Variants in CPE observed in about 807,000 individuals in gnomAD.
CPE encodes carbocypeptidase E.
Under a neutral mutation model 53.5 loss-of-function variants are expected in CPE, and 17 were observed. That is an observed-to-expected ratio of 0.32 (90% CI 0.22 to 0.48). CPE has a LOEUF of 0.48. CPE is among the 20% of genes least tolerant of loss of function. The probability of loss-of-function intolerance (pLI) is 0.99; values close to 1 mark genes in which losing one functional copy is unlikely to be tolerated. For synonymous variants in CPE, 226 were observed against 228.8 expected (o/e 0.99, Z 0.11); for missense variants, 524 against 614.7 (o/e 0.85, Z 1.56).
chr4:165,449,725 A>T (rs553011024), intron 1 of CPE, among the ~76,000 whole-genome samples: 4 of 152,030 alleles, frequency 2.6e-5, no homozygotes, highest in Non-Finnish European at 5.9e-5. Flanking sequence ...TTATTTAATT[A>T]TCTTCCCAGA....
chr4:165,456,991 T>G (rs769816086), intron 1 of CPE, among the ~76,000 whole-genome samples: 15 of 151,968 alleles, frequency 9.9e-5, no homozygotes, highest in Non-Finnish European at 1.6e-4. Flanking sequence ...CACCCGCCAC[T>G]GCCTCCCAAA....
chr4:165,467,128 G>T (rs1405607322), intron 2 of CPE, among the ~76,000 whole-genome samples: 1 of 151,976 alleles, frequency 6.6e-6, no homozygotes, highest in Non-Finnish European at 1.5e-5. Context: ...TTTGAGACCA[G>T]CCTGAGCAAC....
intron 6 of CPE, 77 bp from the exon 7 acceptor site, chr4:165,493,094 G>C: frequency 1.2e-6 from 1 of 864,038 alleles, no homozygotes; most frequent in African/African-American, 1.7e-5. Context: ...AGAGATGCTT[G>C]ATATGAAACA....
chr4:165,454,935 G>A (rs2118495), intron 1 of CPE, among the ~76,000 whole-genome samples: 21,195 of 152,090 alleles, frequency 0.14, 1,887 homozygotes, highest in African/African-American at 0.25. Context: ...CTCACAGCTT[G>A]TCTCTTAGAT....
chr4:165,475,064 G>A (rs10004931), intron 3 of CPE, among the ~76,000 whole-genome samples: 1 of 152,218 alleles, frequency 6.6e-6, no homozygotes, highest in Admixed American at 6.5e-5. Context: ...TCATATGCGA[G>A]TGAAACGGCA....
intron 1 of CPE, among the ~76,000 whole-genome samples, chr4:165,386,036 G>A (rs1227457020): frequency 1.3e-5 from 2 of 152,028 alleles, no homozygotes; most frequent in Non-Finnish European, 2.9e-5. Flanking sequence ...TGATGTCAGG[G>A]GACTTGAGCT....
At chr4:165,487,315 C>T (rs534030031) in intron 5 of CPE, 123 bp from the exon 6 acceptor site, 2 of 1,341,566 alleles carry the variant, frequency 1.5e-6, no homozygotes, top group South Asian at 2.8e-5. Flanking sequence ...TAAGTTTTCC[C>T]ACAGGCTTCC....
intron 1 of CPE, among the ~76,000 whole-genome samples, chr4:165,436,536 A>G (rs1288933829): frequency 6.6e-6 from 1 of 152,232 alleles, no homozygotes; most frequent in East Asian, 1.9e-4. Flanking sequence ...ATACTATTGT[A>G]TGGCTGTGTT....
intron 1 of CPE, among the ~76,000 whole-genome samples, chr4:165,455,392 A>C (rs901833809): frequency 6.6e-6 from 1 of 152,254 alleles, no homozygotes; most frequent in African/African-American, 2.4e-5. Flanking sequence ...AGATAACTAG[A>C]AGCTAATAAT....
At chr4:165,466,550 C>T (rs148637074) in intron 2 of CPE, among the ~76,000 whole-genome samples, 1 of 151,950 alleles carries the variant, frequency 6.6e-6, no homozygotes, top group Non-Finnish European at 1.5e-5. Flanking sequence ...TGGAGTCTCA[C>T]TCTGTCACCA....
At chr4:165,483,491 T>G (rs1461398753) in intron 4 of CPE, among the ~76,000 whole-genome samples, 1 of 152,222 alleles carries the variant, frequency 6.6e-6, no homozygotes, top group Non-Finnish European at 1.5e-5. Flanking sequence ...TTTCTTTTCC[T>G]TTGGATGCAT....
At chr4:165,386,103 C>T (rs975294259) in intron 1 of CPE, 2 of 364,494 alleles carry the variant, frequency 5.5e-6, no homozygotes, top group South Asian at 2.2e-5. Flanking sequence ...CAATTAACTT[C>T]TCTCTATCTC....
At chr4:165,450,027 A>G (rs540844835) in intron 1 of CPE, among the ~76,000 whole-genome samples, 1 of 152,310 alleles carries the variant, frequency 6.6e-6, no homozygotes, top group East Asian at 1.9e-4. Context: ...ACATTTTGAG[A>G]TAGTAGATAA....
At chr4:165,385,443 C>CTTTTT (rs70955613) in intron 1 of CPE, among the ~76,000 whole-genome samples, 14 of 106,984 alleles carry the variant, frequency 1.3e-4, no homozygotes, top group East Asian at 5.5e-4. Context: ...CAAATGTTTG[C>CTTTTT]TTTTTTTTTT....
At chr4:165,483,686 T>C (rs1220905148) in intron 4 of CPE, among the ~76,000 whole-genome samples, 1 of 152,246 alleles carries the variant, frequency 6.6e-6, no homozygotes, top group Admixed American at 6.5e-5. Context: ...TAATATGATA[T>C]TGTGGTTTTA....
chr4:165,463,940 G>A (rs1332521026), intron 1 of CPE, among the ~76,000 whole-genome samples: 1 of 152,200 alleles, frequency 6.6e-6, no homozygotes, highest in Non-Finnish European at 1.5e-5. Flanking sequence ...GATCAAGGTG[G>A]CAGCAGGGGT....
intron 1 of CPE, among the ~76,000 whole-genome samples, chr4:165,430,754 G>C (rs1258608471): frequency 6.6e-6 from 1 of 152,118 alleles, no homozygotes; most frequent in African/African-American, 2.4e-5. Flanking sequence ...AATTTAGGGT[G>C]ACAAAGCTGT....
At chr4:165,497,426 A>C in intron 8 of CPE, 86 bp from the exon 9 acceptor site, 1 of 615,632 alleles carries the variant, frequency 1.6e-6, no homozygotes, top group Non-Finnish European at 2.6e-6. Flanking sequence ...GATTGAGTGT[A>C]TACTGAAACT....
At chr4:165,452,855 T>A (rs964835799) in intron 1 of CPE, among the ~76,000 whole-genome samples, 6 of 152,226 alleles carry the variant, frequency 3.9e-5, no homozygotes, top group Admixed American at 1.3e-4. Context: ...AGAATACAGC[T>A]GCTCAGGCCC....
Sources: allele counts gnomAD v4.1 joint callset (sites outside exome capture counted in the v4.1 genomes callset), GRCh38; gene constraint gnomAD v4.1.1; transcripts MANE v1.5; gene names NCBI Gene and HGNC (gene_info 2026-07-23, HGNC 2026-07-21).